ORM2: variants seen among roughly 807,000 people sequenced by gnomAD.
ORM2 encodes the protein orosomucoid 2.
ORM2 carries 19 observed loss-of-function variants against 26.8 expected under a neutral mutation model. The ratio of observed to expected loss-of-function variants is 0.71; its 90% confidence interval spans 0.49 to 1.04. The LOEUF is 1.04. ORM2 is among the 50% of genes least tolerant of loss of function. The pLI is 0.00. For synonymous variants in ORM2, 94 were observed against 100.0 expected (o/e 0.94, Z 0.36); for missense variants, 259 against 244.9 (o/e 1.06, Z -0.39).
Position 114,331,568 on chromosome 9 carries a change from G to A in ORM2, c.330G>A (p.Glu110=). 1 of 1,612,816 alleles carries A rather than the reference G, an allele frequency of 6.2e-7. No homozygotes were observed. Among genetic ancestry groups the A allele is most frequent in the Non-Finnish European group, 8.5e-7 (1 of 1,179,024 alleles). Residue 110 remains glutamate (E), a splice_region_variant and synonymous_variant, in exon 4 of 6, where the codon GAG becomes GAA. Transcript: ENST00000431067. ...QRENGTVSRY[E]GGREHVAHLL... is the part of the protein sequence containing the mutation. ...CCAGAGGCTCTTTTTCTCTTCCAGA[G>A]GGAGGCCGAGAACATGTTGCTCACC...
chr9:114,331,019 A>G (rs1326419754), intron 3 of ORM2, among the ~76,000 whole-genome samples, 157 bp downstream of exon 3: 3 of 152,032 alleles, frequency 2.0e-5, no homozygotes, highest in Non-Finnish European at 4.4e-5. Context: ...AATCCCTAAG[A>G]AGACACTGAG....
At chr9:114,331,366 G>C (rs1402577926) in intron 3 of ORM2, among the ~76,000 whole-genome samples, 1 of 152,028 alleles carries the variant, frequency 6.6e-6, no homozygotes, top group African/African-American at 2.4e-5. Flanking sequence ...TCTGTGTGAG[G>C]CTCCTGAGAT....
At chr9:114,330,675 A>G in intron 2 of ORM2, 99 bp downstream of exon 2, 1 of 1,601,796 alleles carries the variant, frequency 6.2e-7, no homozygotes, top group Admixed American at 1.7e-5. Context: ...CCATGGGTGG[A>G]ACCGGGAGGG....
chr9:114,331,127 T>G (rs2131730043), intron 3 of ORM2, among the ~76,000 whole-genome samples: 1 of 152,194 alleles, frequency 6.6e-6, no homozygotes, highest in Admixed American at 6.5e-5. Flanking sequence ...CCAGGCTGGC[T>G]TCAGATCTGC....
At chr9:114,333,020 T>A in intron 5 of ORM2, 49 bp from the exon 6 acceptor site, 3 of 1,598,566 alleles carry the variant, frequency 1.9e-6, no homozygotes, top group Non-Finnish European at 2.6e-6. Context: ...TCCCACCCTG[T>A]CCCCATGCCT....
rs1422213254 is a variant in ORM2, at chr9:114,331,453, G to T, written c.329-114G>T. 4 of 806,344 alleles carry T rather than the reference G, an allele frequency of 5.0e-6. No homozygotes were observed. The African/African-American group carries it at 5.2e-5, about 10-fold the overall frequency. The allele number at this position is 806,344 out of a possible 1,614,324, so 49.9% of individuals were successfully genotyped here. On this transcript the variant is annotated intron_variant, in intron 3 of 5. Transcript: ENST00000431067. ...GCACACGGTGGCCCAAAGGAGACCC[G>T]GGCCTTCACTGATGGGCTTTGTGGC...
intron 1 of ORM2, chr9:114,330,228 C>T (rs1239117056): frequency 3.1e-5 from 23 of 730,418 alleles, no homozygotes; most frequent in Non-Finnish European, 4.0e-5. Context: ...GAGTCCTTCA[C>T]GGAGGACGGT....
chr9:114,332,470 T>G (rs1829871340), intron 5 of ORM2, among the ~76,000 whole-genome samples: 1 of 152,176 alleles, frequency 6.6e-6, no homozygotes, highest in Non-Finnish European at 1.5e-5. Flanking sequence ...TGTGCCCTAA[T>G]ACCTGTGAAA....
chr9:114,331,734 C>T, intron 4 of ORM2, 60 bp downstream of exon 4: 10 of 1,582,894 alleles, frequency 6.3e-6, no homozygotes, highest in Non-Finnish European at 8.7e-6. Flanking sequence ...CCCATTCACC[C>T]ACCCCTGGGC....
intron 5 of ORM2, among the ~76,000 whole-genome samples, 165 bp from the exon 6 acceptor site, chr9:114,332,904 G>A (rs1358598642): frequency 1.3e-5 from 2 of 152,178 alleles, no homozygotes; most frequent in East Asian, 3.9e-4. Flanking sequence ...GACAGAAAAT[G>A]ACTTGCCCAA....
intron 5 of ORM2, among the ~76,000 whole-genome samples, chr9:114,332,575 C>T (rs1199260457): frequency 2.0e-5 from 3 of 152,034 alleles, no homozygotes; most frequent in African/African-American, 4.8e-5. Context: ...CATTTGCCAC[C>T]TGAGATGACC....
At position 114,330,563 on chromosome 9, in the gene ORM2, G is replaced by C; in HGVS notation, c.244G>C (p.Glu82Gln). The C allele has an allele frequency of 6.2e-7, 1 of 1,612,932 alleles. No homozygotes were observed. The highest frequency in any genetic ancestry group is 8.5e-7 in the Non-Finnish European group (1 of 1,179,996). ...GACAGAGGACACGATCTTTCTCAGAGAGTACCAGACCCGGTGAGAGCCCCC... is the reference window on the plus strand; with the variant it reads ...GACAGAGGACACGATCTTTCTCAGACAGTACCAGACCCGGTGAGAGCCCCC... ...NKTEDTIFLR[E>Q]YQTRQNQCFY... The change falls in exon 2 of 6, where the codon GAG becomes CAG. Residue 82 changes from glutamate to glutamine, a missense_variant. Coordinates refer to ENST00000431067, the MANE Select transcript of ORM2 (RefSeq NM_000608.4).
Position 114,332,039 on chromosome 9 carries a change from C to A in ORM2, c.540+110C>A. 2 of 876,224 alleles carry A rather than the reference C, an allele frequency of 2.3e-6. 1 individual carries two copies. Among genetic ancestry groups the A allele is most frequent in the Admixed American group, 4.6e-5 (2 of 43,234 alleles). The allele number at this position is 876,224 out of a possible 1,614,324, so 54.3% of individuals were successfully genotyped here. On this transcript the variant is annotated intron_variant, in intron 5 of 5. Coordinates refer to ENST00000431067, the MANE Select transcript of ORM2 (RefSeq NM_000608.4). ...GGCAAGGCTGCACAGCTAGGCAGAT[C>A]TTCTGCTTTTAGGCACCTGCCTCAC... is the stretch of plus-strand genomic sequence containing the variant.
chr9:114,330,359 G>A (rs1384619858), intron 1 of ORM2, 75 bp from the exon 2 acceptor site: 1 of 1,513,336 alleles, frequency 6.6e-7, no homozygotes, highest in East Asian at 2.3e-5. Flanking sequence ...GGAGAGATCT[G>A]CCTGAGTCTC....
Position 114,331,942 on chromosome 9 carries a change from G to T in ORM2, c.540+13G>T. 1.2e-6 allele frequency: 2 copies of T among 1,611,366 alleles called. No homozygotes were observed. Among genetic ancestry groups the T allele is most frequent in the Admixed American group, 1.7e-5 (1 of 59,986 alleles). On this transcript the variant is annotated intron_variant, in intron 5 of 5. Coordinates refer to ENST00000431067, the MANE Select transcript of ORM2 (RefSeq NM_000608.4). ...CGACTGGAAAAAGGTAAACGCAAGG[G>T]ATTGGACAGTGCCCACCTTGTCCAT...
chr9:114,330,108 C>A (rs1342373913), intron 1 of ORM2, 90 bp downstream of exon 1: 5 of 1,609,602 alleles, frequency 3.1e-6, no homozygotes, highest in Non-Finnish European at 4.2e-6. Context: ...TGGTCGCACC[C>A]CCACTCCCAG....
Position 114,331,935 on chromosome 9 carries a change from C to T in ORM2, c.540+6C>T, listed in dbSNP as rs748702791. On this transcript the variant is annotated splice_donor_region_variant and intron_variant, in intron 5 of 5. Transcript: ENST00000431067. ...TGTACACCGACTGGAAAAAGGTAAA[C>T]GCAAGGGATTGGACAGTGCCCACCT... 4.3e-5 allele frequency: 69 copies of T among 1,612,712 alleles called. No homozygotes were observed. Among genetic ancestry groups the T allele is most frequent in the South Asian group, 3.4e-4 (31 of 91,054 alleles).
chr9:114,331,790 C>A, intron 4 of ORM2, 36 bp from the exon 5 acceptor site: 1 of 1,605,618 alleles, frequency 6.2e-7, no homozygotes. Context: ...CCGGGCCCCA[C>A]CATGTCCCCA....
At chr9:114,331,468 G>T in intron 3 of ORM2, 99 bp from the exon 4 acceptor site, 1 of 950,514 alleles carries the variant, frequency 1.1e-6, no homozygotes, top group Non-Finnish European at 1.6e-6. Flanking sequence ...TTCACTGATG[G>T]GCTTTGTGGC....
Sources: allele counts gnomAD v4.1 joint callset (sites outside exome capture counted in the v4.1 genomes callset), GRCh38; gene constraint gnomAD v4.1.1; transcripts MANE v1.5; gene names NCBI Gene and HGNC (gene_info 2026-07-23, HGNC 2026-07-21).